Variants in DGKI observed in about 807,000 individuals in gnomAD.
DGKI encodes the protein DAG kinase iota.
In DGKI, 55 loss-of-function variants were observed where a neutral mutation model predicts 147.5. The ratio of observed to expected loss-of-function variants is 0.37; its 90% confidence interval spans 0.30 to 0.47. DGKI has a LOEUF of 0.47. Ranked by LOEUF, DGKI falls within the 20% of genes least tolerant of loss-of-function variation. The pLI, the probability that DGKI is intolerant of heterozygous loss-of-function variation, is 1.00. For synonymous variants in DGKI, 469 were observed against 477.1 expected, an observed-to-expected ratio of 0.98 and a Z score of 0.22; for missense variants, 1,007 against 1,323.8, an observed-to-expected ratio of 0.76 and a Z score of 3.71.
chr7:137,436,839 T>C (rs1030297297), intron 28 of DGKI, among the ~76,000 whole-genome samples: 2 of 152,206 alleles, frequency 1.3e-5, no homozygotes, highest in African/African-American at 4.8e-5. Flanking sequence ...ACGATATTGA[T>C]TTCTATTTAA....
At chr7:137,823,147 A>G (rs1214934548) in intron 1 of DGKI, among the ~76,000 whole-genome samples, 1 of 152,156 alleles carries the variant, frequency 6.6e-6, no homozygotes, top group Non-Finnish European at 1.5e-5. Flanking sequence ...CCATGAATAT[A>G]TGTACCTATA....
At position 137,478,998 on chromosome 7, in the gene DGKI, T is replaced by A. The variant is rs956967892; in HGVS notation, c.2373+6376A>T. 2.6e-5 allele frequency among the ~76,000 whole-genome samples: 4 copies of A among 152,232 alleles called. No individual in the cohort carries two copies. In the South Asian group the frequency reaches 8.3e-4, roughly 31 times the overall value. ...TTGTATGAATGCAGCTATATTTCCC[T>A]GAGCTGTGCCTCTAACCATCATATC... On this transcript the variant is annotated intron_variant, in intron 23 of 32. Coordinates refer to ENST00000614521, the MANE Select transcript of DGKI (RefSeq NM_001321708.2).
intron 2 of DGKI, among the ~76,000 whole-genome samples, chr7:137,684,440 G>C (rs571214202): frequency 6.6e-6 from 1 of 152,268 alleles, no homozygotes; most frequent in Admixed American, 6.5e-5. Flanking sequence ...GTGGCTACTA[G>C]AAAATGTATC....
intron 1 of DGKI, among the ~76,000 whole-genome samples, chr7:137,837,556 G>A (rs189978187): frequency 3.3e-5 from 5 of 152,304 alleles, no homozygotes; most frequent in Admixed American, 2.6e-4. Flanking sequence ...GGGGCCACTG[G>A]GGGTGATTCA....
intron 1 of DGKI, among the ~76,000 whole-genome samples, chr7:137,709,695 T>G (rs1002235092): frequency 6.6e-6 from 1 of 151,942 alleles, no homozygotes; most frequent in East Asian, 1.9e-4. Flanking sequence ...CCAAGACACA[T>G]GAAATCCTCA....
chr7:137,760,356 A>C (rs1326212891), intron 1 of DGKI, among the ~76,000 whole-genome samples: 1 of 152,060 alleles, frequency 6.6e-6, no homozygotes, highest in Non-Finnish European at 1.5e-5. Flanking sequence ...TCTAATCTTT[A>C]TCTGCTTTGC....
At chr7:137,582,816 G>GTT (rs1819251617) in intron 14 of DGKI, among the ~76,000 whole-genome samples, 1 of 152,160 alleles carries the variant, frequency 6.6e-6, no homozygotes, top group South Asian at 2.1e-4. Context: ...TGCGGAAAAT[G>GTT]TGAGAGTGGG....
At chr7:137,643,551 A>G (rs1000548508) in intron 6 of DGKI, among the ~76,000 whole-genome samples, 5 of 152,196 alleles carry the variant, frequency 3.3e-5, no homozygotes, top group Non-Finnish European at 7.3e-5. Flanking sequence ...CTGCATTATA[A>G]ACACAAGAGA....
At chr7:137,632,450 T>A (rs1821153710) in intron 6 of DGKI, among the ~76,000 whole-genome samples, 6 of 152,222 alleles carry the variant, frequency 3.9e-5, no homozygotes, top group Admixed American at 3.9e-4. Flanking sequence ...GGTAGTTGTA[T>A]GCTGAGGAGA....
intron 13 of DGKI, 31 bp downstream of exon 13, chr7:137,587,066 G>T: frequency 6.8e-7 from 1 of 1,476,126 alleles, no homozygotes. Context: ...GTTGTTTGAT[G>T]ATATGGGCAG....
At chr7:137,403,179 T>A (rs571099427) in intron 30 of DGKI, among the ~76,000 whole-genome samples, 4 of 152,236 alleles carry the variant, frequency 2.6e-5, no homozygotes, top group African/African-American at 7.2e-5. Context: ...TTAGTCTCTC[T>A]CCCAGTCTCT....
At chr7:137,602,258 C>T (rs996897324) in intron 10 of DGKI, among the ~76,000 whole-genome samples, 2 of 152,144 alleles carry the variant, frequency 1.3e-5, no homozygotes, top group African/African-American at 2.4e-5. Context: ...TCAGCTTCAG[C>T]CTCTCCATTA....
chr7:137,551,406 T>C (rs1818040700), intron 20 of DGKI, among the ~76,000 whole-genome samples: 1 of 152,114 alleles, frequency 6.6e-6, no homozygotes, highest in Admixed American at 6.5e-5. Context: ...AGCACGCCCT[T>C]GCTTTACAGG....
chr7:137,465,868 C>T (rs2128926534), intron 26 of DGKI, 40 bp downstream of exon 26: 1 of 1,604,650 alleles, frequency 6.2e-7, no homozygotes, highest in Non-Finnish European at 8.5e-7. Flanking sequence ...ATGGATGTCA[C>T]CCTAAGGCCA....
chr7:137,631,968 T>A (rs1387533539), intron 6 of DGKI, among the ~76,000 whole-genome samples: 1 of 152,136 alleles, frequency 6.6e-6, no homozygotes, highest in Non-Finnish European at 1.5e-5. Context: ...CAGAGGTGGC[T>A]CTCCCTCGTA....
intron 3 of DGKI, among the ~76,000 whole-genome samples, chr7:137,669,401 C>T (rs1430204152): frequency 6.6e-6 from 1 of 152,154 alleles, no homozygotes; most frequent in African/African-American, 2.4e-5. Context: ...ACTGGTTAAA[C>T]CCCAGTACTG....
chr7:137,737,280 A>T (rs1294225893), intron 1 of DGKI, among the ~76,000 whole-genome samples: 1 of 151,620 alleles, frequency 6.6e-6, no homozygotes, highest in Non-Finnish European at 1.5e-5. Flanking sequence ...ATTAGAAAAG[A>T]TTCTTGATTT....
chr7:137,604,882 T>A (rs374873809), intron 10 of DGKI, among the ~76,000 whole-genome samples: 2 of 152,292 alleles, frequency 1.3e-5, no homozygotes, highest in East Asian at 3.9e-4. Context: ...ATCTAAGTTT[T>A]GACATTAAGG....
At chr7:137,650,984 G>A (rs1160248083) in intron 5 of DGKI, among the ~76,000 whole-genome samples, 1 of 152,186 alleles carries the variant, frequency 6.6e-6, no homozygotes, top group Non-Finnish European at 1.5e-5. Context: ...AGCTGGAGGT[G>A]GCTGGAAGGG....
Sources: allele counts gnomAD v4.1 joint callset (sites outside exome capture counted in the v4.1 genomes callset), GRCh38; gene constraint gnomAD v4.1.1; transcripts MANE v1.5; gene names NCBI Gene and HGNC (gene_info 2026-07-23, HGNC 2026-07-21).